The following CAMTA1 variants were observed in gnomAD, a reference collection of about 807,000 sequenced individuals.
CAMTA1 encodes calmodulin binding transcription activator 1.
Under a neutral mutation model 170.9 loss-of-function variants are expected in CAMTA1, and 27 were observed. The observed-to-expected ratio is 0.16, with a 90% confidence interval of 0.12 to 0.22. The LOEUF (loss-of-function observed/expected upper bound fraction) is 0.22. Ranked by LOEUF, CAMTA1 falls within the 10% of genes least tolerant of loss-of-function variation. The pLI is 1.00. For synonymous variants in CAMTA1, 833 were observed against 891.5 expected (o/e 0.93, Z 1.17); for missense variants, 1,619 against 2,217.2 (o/e 0.73, Z 5.42).
intron 11 of CAMTA1, among the ~76,000 whole-genome samples, chr1:7,718,783 G>T (rs768180821): frequency 6.7e-6 from 1 of 149,476 alleles, no homozygotes; most frequent in Non-Finnish European, 1.5e-5. Context: ...TCTTGAACTC[G>T]TGACTTCAGG....
At chr1:7,287,085 T>C (rs1241849854) in intron 5 of CAMTA1, among the ~76,000 whole-genome samples, 1 of 152,176 alleles carries the variant, frequency 6.6e-6, no homozygotes, top group Admixed American at 6.5e-5. Flanking sequence ...GCAACTTTTT[T>C]TGGAAGATCA....
chr1:7,421,722 T>C (rs1000591000), intron 5 of CAMTA1, among the ~76,000 whole-genome samples: 6 of 152,124 alleles, frequency 3.9e-5, no homozygotes, highest in Admixed American at 3.9e-4. Context: ...ACCTCATTGG[T>C]GGTACCAGGT....
At chr1:7,309,290 T>A (rs1676078581) in intron 5 of CAMTA1, among the ~76,000 whole-genome samples, 2 of 89,362 alleles carry the variant, frequency 2.2e-5, no homozygotes, top group African/African-American at 8.0e-5. Context: ...TTAGAAAATT[T>A]TTTTTTTTTT....
intron 4 of CAMTA1, among the ~76,000 whole-genome samples, chr1:7,237,263 G>A (rs983184598): frequency 6.6e-6 from 1 of 152,182 alleles, no homozygotes; most frequent in Non-Finnish European, 1.5e-5. Context: ...ATTCAGAGGA[G>A]CAATAGCCGG....
In CAMTA1 at chr1:7,064,553, TGAG is replaced by T. The variant is rs938618339; in HGVS notation, c.235-26746_235-26744del. On this transcript the variant is annotated intron_variant, in intron 3 of 22. Transcript: ENST00000303635. This position sits in a 1 kb window ranked among gnomAD's most constrained non-coding sequence, Gnocchi z 5.4. ...GGTTGGGGAGGGAGGGGGTAGTCCC[TGAG>T]GAGGCAGCAGTTTAAGCTGAGATGG... Among the ~76,000 whole-genome samples the T allele has an allele frequency of 6.6e-6, 1 of 151,952 alleles. No individual in the cohort carries two copies. Among genetic ancestry groups the T allele is most frequent in the Non-Finnish European group, 1.5e-5 (1 of 67,994 alleles).
At chr1:6,785,657 G>A (rs1297513896) in intron 1 of CAMTA1, 82 bp downstream of exon 1, 7 of 757,592 alleles carry the variant, frequency 9.2e-6, no homozygotes, top group African/African-American at 2.0e-5. Context: ...GGGCATCGGC[G>A]GCGCCGGGCG....
intron 6 of CAMTA1, among the ~76,000 whole-genome samples, chr1:7,469,940 T>C (rs2093298947): frequency 6.6e-6 from 1 of 152,220 alleles, no homozygotes; most frequent in Non-Finnish European, 1.5e-5. Context: ...GCGCTCCTGT[T>C]TTCCAGCCTC....
Position 7,561,515 on chromosome 1 carries a change from G to C in CAMTA1, c.511-78885G>C, listed in dbSNP as rs1353425855. ...TCATCCTCTAGGATGAGCCCAAGCA[G>C]AGGTGAGAGAAAGCCTCTTGCCTGT... On this transcript the variant is annotated intron_variant, in intron 6 of 22. Transcript: ENST00000303635. The surrounding 1 kb of genome is among the most constrained non-coding windows in gnomAD (Gnocchi z 5.3). Among the ~76,000 whole-genome samples, 1 of 151,864 alleles carries C rather than the reference G, an allele frequency of 6.6e-6. No homozygotes were observed. The highest frequency in any genetic ancestry group is 1.5e-5 in the Non-Finnish European group (1 of 67,962).
chr1:6,812,994 C>T (rs915390455), intron 1 of CAMTA1, among the ~76,000 whole-genome samples: 1 of 152,130 alleles, frequency 6.6e-6, no homozygotes, highest in African/African-American at 2.4e-5. Flanking sequence ...TTAGCCTGCC[C>T]CAGGAGTAGG....
At position 6,785,537 on chromosome 1, in the gene CAMTA1, C is replaced by G; in HGVS notation, c.7C>G (p.Arg3Gly). The G allele has an allele frequency of 9.3e-7, 1 of 1,075,878 alleles. No individual in the cohort carries two copies. Among genetic ancestry groups the G allele is most frequent in the Non-Finnish European group, 1.1e-6 (1 of 872,800 alleles). 66.6% of individuals were successfully genotyped at this position (1,075,878 alleles called of 1,614,324 possible). A position where few individuals can be genotyped will look rare whatever the true frequency, so the allele number is the denominator to read the frequency against. MW[R>G]AEGKWLPKTS... Reference sequence around the variant, plus strand: ...GGTCGCGAGGAGGAGGAGGATGTGGCGCGCGGAGGGGAAATGGCTGCCGAA... The same window carrying G: ...GGTCGCGAGGAGGAGGAGGATGTGGGGCGCGGAGGGGAAATGGCTGCCGAA... Residue 3 changes from arginine (R) to glycine (G), a missense_variant, in exon 1 of 23, where the codon CGC (arginine) becomes GGC (glycine). Arg to Gly is a moderately radical substitution (Grantham distance 125). Around this residue, in one of 8 missense-constraint regions of CAMTA1, gnomAD observed 61 missense variants for 57.7 expected, o/e 1.06. Transcript: ENST00000303635.
intron 6 of CAMTA1, among the ~76,000 whole-genome samples, chr1:7,552,799 G>A (rs2094820709): frequency 6.6e-6 from 1 of 152,248 alleles, no homozygotes; most frequent in African/African-American, 2.4e-5. Context: ...CCCTGCCACA[G>A]CTCCCGGGAT....
rs928973400 is a variant in CAMTA1 at position 7,737,673 on chromosome 1, G to GA, written c.3658+103_3658+104insA. 8.3e-5 allele frequency: 98 copies of GA among 1,184,090 alleles called. No homozygotes were observed. In the African/African-American group the frequency reaches 1.4e-3, roughly 17 times the overall value. 73.3% of individuals were successfully genotyped at this position (1,184,090 alleles called of 1,614,324 possible). ...CCATAGGATAGTCACATACATTTCA[G>GA]TTTTTTTGTTAATGTTTCTGATTTT... On this transcript the variant is annotated intron_variant, in intron 15 of 22. Transcript: ENST00000303635.
intron 3 of CAMTA1, among the ~76,000 whole-genome samples, chr1:7,072,889 G>A (rs182201287): frequency 6.6e-6 from 1 of 152,304 alleles, no homozygotes; most frequent in Admixed American, 6.5e-5. Flanking sequence ...AGGAATCCTG[G>A]GGCCAGATCA....
chr1:6,793,351 T>C (rs1641672860), intron 1 of CAMTA1, among the ~76,000 whole-genome samples: 1 of 152,242 alleles, frequency 6.6e-6, no homozygotes, highest in Admixed American at 6.5e-5. Flanking sequence ...TAAGATTATG[T>C]ATTCAGTCAC....
chr1:7,229,069 C>T (rs954095802), intron 4 of CAMTA1, among the ~76,000 whole-genome samples: 18 of 151,698 alleles, frequency 1.2e-4, no homozygotes, highest in African/African-American at 4.4e-4. Flanking sequence ...GAGGGGAGCC[C>T]AGAGGGCAGC....
intron 5 of CAMTA1, among the ~76,000 whole-genome samples, chr1:7,292,798 G>A (rs562875057): frequency 6.6e-6 from 1 of 152,318 alleles, no homozygotes; most frequent in South Asian, 2.1e-4. Flanking sequence ...GTTCAAGTGA[G>A]TTCTTATTGC....
chr1:7,507,652 C>A (rs1191030830), intron 6 of CAMTA1, among the ~76,000 whole-genome samples: 1 of 152,196 alleles, frequency 6.6e-6, no homozygotes, highest in African/African-American at 2.4e-5. Flanking sequence ...TGGAGGGAAG[C>A]TGCAAGCGCC....
rs187439865 is a variant in CAMTA1 at position 7,218,799 on chromosome 1, A to G, written c.303-30692A>G. On this transcript the variant is annotated intron_variant, in intron 4 of 22. Transcript: ENST00000303635. The stretch of plus-strand genomic sequence containing the variant: ...TATAAAAGTTCTGGGTGGGAACTCA[A>G]GAATTTGTTAATTTGATGTTTATAG... 3.9e-5 allele frequency among the ~76,000 whole-genome samples: 6 copies of G among 152,290 alleles called. No individual in the cohort carries two copies. In the East Asian group the frequency reaches 7.7e-4, roughly 20 times the overall value.
intron 5 of CAMTA1, among the ~76,000 whole-genome samples, chr1:7,434,180 C>T (rs1345384636): frequency 6.6e-6 from 1 of 152,190 alleles, no homozygotes; most frequent in Non-Finnish European, 1.5e-5. Context: ...AGGAGGCTGG[C>T]CCTCTGCTGC....
Sources: allele counts gnomAD v4.1 joint callset (sites outside exome capture counted in the v4.1 genomes callset), GRCh38; gene constraint gnomAD v4.1.1; regional missense constraint gnomAD v4.1.1; non-coding constraint Gnocchi (gnomAD v3.1); transcripts MANE v1.5; gene names NCBI Gene and HGNC (gene_info 2026-07-23, HGNC 2026-07-21).